The following XKR4 variants were observed in gnomAD, a reference collection of about 807,000 sequenced individuals.
The protein encoded by XKR4 is XK related 4.
XKR4 carries 12 observed loss-of-function variants against 53.9 expected under a neutral mutation model. The ratio of observed to expected loss-of-function variants is 0.22; its 90% CI spans 0.14 to 0.36. XKR4 has a LOEUF of 0.36. Ranked by LOEUF, XKR4 falls within the 10% of genes least tolerant of loss-of-function variation. XKR4 has a pLI of 1.00. For missense variants in XKR4, 799 were observed against 859.5 expected, an observed-to-expected ratio of 0.93 and a Z score of 0.88; for synonymous variants, 354 against 362.4, an observed-to-expected ratio of 0.98 and a Z score of 0.26.
At chr8:55,451,506 G>T in intron 2 of XKR4, 2 of 1,058,828 alleles carry the variant, frequency 1.9e-6, no homozygotes, top group East Asian at 2.6e-5. Flanking sequence ...GAGAAGGTGC[G>T]TTCTGGGCCT....
chr8:55,345,643 C>T (rs889512135), intron 1 of XKR4, among the ~76,000 whole-genome samples: 5 of 152,096 alleles, frequency 3.3e-5, no homozygotes, highest in African/African-American at 1.2e-4. Context: ...CTTGGAAGGC[C>T]CTGTGCATAT....
At chr8:55,416,249 C>G (rs1236053665) in intron 2 of XKR4, among the ~76,000 whole-genome samples, 1 of 152,166 alleles carries the variant, frequency 6.6e-6, no homozygotes, top group Non-Finnish European at 1.5e-5. Flanking sequence ...AGAGAAAGCT[C>G]TGAGGCTTCT....
At chr8:55,199,563 C>A (rs1052388872) in intron 1 of XKR4, among the ~76,000 whole-genome samples, 1 of 152,164 alleles carries the variant, frequency 6.6e-6, no homozygotes, top group African/African-American at 2.4e-5. Context: ...AACAGAGGCT[C>A]AGGGATATTA....
intron 2 of XKR4, among the ~76,000 whole-genome samples, chr8:55,396,159 C>T (rs1004160208): frequency 6.6e-6 from 1 of 152,238 alleles, no homozygotes; most frequent in African/African-American, 2.4e-5. Flanking sequence ...ACATGCCCTT[C>T]CACAAAATGT....
At chr8:55,200,935 T>C (rs1421828565) in intron 1 of XKR4, among the ~76,000 whole-genome samples, 1 of 152,248 alleles carries the variant, frequency 6.6e-6, no homozygotes, top group Middle Eastern at 3.2e-3. Context: ...ATGGGCTAAC[T>C]GAATCATACT....
intron 2 of XKR4, among the ~76,000 whole-genome samples, chr8:55,516,291 G>C (rs970112093): frequency 3.9e-5 from 6 of 152,116 alleles, no homozygotes; most frequent in Admixed American, 1.3e-4. Flanking sequence ...TATTGTGTTT[G>C]TTAGTTGGTT....
At chr8:55,477,206 C>G (rs769167090) in intron 2 of XKR4, among the ~76,000 whole-genome samples, 3 of 152,080 alleles carry the variant, frequency 2.0e-5, no homozygotes, top group Non-Finnish European at 4.4e-5. Flanking sequence ...TCCAGAGGAA[C>G]GAGGCAGCAG....
intron 2 of XKR4, among the ~76,000 whole-genome samples, chr8:55,404,962 T>C (rs1189235401): frequency 6.6e-6 from 1 of 152,222 alleles, no homozygotes; most frequent in Non-Finnish European, 1.5e-5. Context: ...GCTGCGGCTT[T>C]ATGTGATTTG....
intron 2 of XKR4, among the ~76,000 whole-genome samples, chr8:55,413,853 A>G (rs1266787325): frequency 6.6e-6 from 1 of 152,236 alleles, no homozygotes; most frequent in Non-Finnish European, 1.5e-5. Context: ...AGTAAGGAAC[A>G]AGAGTATAAA....
intron 2 of XKR4, among the ~76,000 whole-genome samples, chr8:55,358,243 C>T (rs1176496920): frequency 6.6e-6 from 1 of 151,960 alleles, no homozygotes; most frequent in East Asian, 1.9e-4. Flanking sequence ...CTCTAATATA[C>T]ATATGTGTGT....
chr8:55,409,405 G>A (rs1337345681), intron 2 of XKR4, among the ~76,000 whole-genome samples: 2 of 152,136 alleles, frequency 1.3e-5, no homozygotes, highest in Admixed American at 6.5e-5. Flanking sequence ...CAGGACTTTG[G>A]GTAAATTATT....
chr8:55,432,090 C>T (rs1480307973), intron 2 of XKR4, among the ~76,000 whole-genome samples: 1 of 152,194 alleles, frequency 6.6e-6, no homozygotes, highest in African/African-American at 2.4e-5. Context: ...AATGCCTTCT[C>T]TCTGTGGTTG....
chr8:55,138,099 A>G lies in XKR4; in HGVS notation c.806+34805A>G, dbSNP rs749760377. On this transcript the variant is annotated intron_variant, in intron 1 of 2. Coordinates refer to ENST00000327381, the MANE Select transcript of XKR4 (RefSeq NM_052898.2). The stretch of plus-strand genomic sequence containing the variant: ...CCCGCCATGACTTTGGCGTTCTACA[A>G]TGTATACCAAGGAGGGATGACTAAT... 3.1e-4 allele frequency among the ~76,000 whole-genome samples: 47 copies of G among 152,174 alleles called. 1 individual carries two copies. The highest frequency in any genetic ancestry group is 2.4e-4 in the Non-Finnish European group (16 of 68,032).
intron 1 of XKR4, among the ~76,000 whole-genome samples, chr8:55,181,920 T>C (rs1278908589): frequency 2.6e-5 from 4 of 152,226 alleles, no homozygotes; most frequent in African/African-American, 9.6e-5. Context: ...TCCATAATGC[T>C]ATATGTTATT....
chr8:55,246,268 A>G (rs185838600), intron 1 of XKR4, among the ~76,000 whole-genome samples: 1 of 152,326 alleles, frequency 6.6e-6, no homozygotes, highest in Admixed American at 6.5e-5. Context: ...ATGGATAGGA[A>G]TCTTCTGCTC....
chr8:55,483,646 A>G (rs1016493584), intron 2 of XKR4, among the ~76,000 whole-genome samples: 6 of 152,156 alleles, frequency 3.9e-5, no homozygotes, highest in Non-Finnish European at 8.8e-5. Flanking sequence ...TTTTAAATAC[A>G]CTGTACTGAA....
At chr8:55,370,763 G>A (rs16919958) in intron 2 of XKR4, among the ~76,000 whole-genome samples, 8,203 of 152,108 alleles carry the variant, frequency 0.054, 607 homozygotes, top group African/African-American at 0.17. Context: ...GGAAAATTCC[G>A]TCGAGATGCA....
chr8:55,301,393 C>T (rs1015166986), intron 1 of XKR4, among the ~76,000 whole-genome samples: 11 of 151,806 alleles, frequency 7.2e-5, no homozygotes, highest in African/African-American at 2.7e-4. Flanking sequence ...TCCAGTATAT[C>T]GTTGTTGGAC....
chr8:55,449,539 GT>G, intron 2 of XKR4: 1 of 1,479,014 alleles, frequency 6.8e-7, no homozygotes, highest in South Asian at 1.1e-5. Context: ...TCTGGATCCG[GT>G]CCACCCACTG....
Sources: allele counts gnomAD v4.1 joint callset (sites outside exome capture counted in the v4.1 genomes callset), GRCh38; gene constraint gnomAD v4.1.1; transcripts MANE v1.5; gene names NCBI Gene and HGNC (gene_info 2026-07-23, HGNC 2026-07-21).